SLC24A3: variants seen among roughly 807,000 people sequenced by gnomAD.
The protein encoded by SLC24A3 is solute carrier family 24 member 3, also known as sodium/potassium/calcium exchanger 3.
A neutral mutation model predicts 75.8 loss-of-function variants in SLC24A3; 28 were observed. The observed-to-expected ratio is 0.37, with a 90% CI of 0.27 to 0.51. SLC24A3 has a LOEUF of 0.51. SLC24A3 is among the 20% of genes least tolerant of loss of function. SLC24A3 has a pLI of 0.94. For synonymous variants in SLC24A3, 372 were observed against 334.1 expected (o/e 1.11, Z -1.24); for missense variants, 663 against 847.8 (o/e 0.78, Z 2.71).
intron 3 of SLC24A3, among the ~76,000 whole-genome samples, chr20:19,521,017 A>G (rs2030088560): frequency 6.6e-6 from 1 of 152,088 alleles, no homozygotes; most frequent in Non-Finnish European, 1.5e-5. Context: ...GTCACATCTT[A>G]TCCTCCCTCT....
chr20:19,607,918 A>G (rs1168683947), intron 6 of SLC24A3, among the ~76,000 whole-genome samples: 1 of 152,298 alleles, frequency 6.6e-6, no homozygotes, highest in East Asian at 1.9e-4. Context: ...TCCCCTGTCC[A>G]TATCTACAGC....
At chr20:19,410,345 T>C (rs143062467) in intron 2 of SLC24A3, among the ~76,000 whole-genome samples, 1 of 152,032 alleles carries the variant, frequency 6.6e-6, no homozygotes, top group East Asian at 1.9e-4. Flanking sequence ...CTCCAAAAGA[T>C]AGAAGAGAAA....
intron 2 of SLC24A3, among the ~76,000 whole-genome samples, chr20:19,384,526 A>G (rs1235963301): frequency 1.3e-5 from 2 of 152,228 alleles, no homozygotes; most frequent in South Asian, 4.1e-4. Flanking sequence ...TTTAAGGCTG[A>G]ATAGTATTCC....
At chr20:19,664,098 G>C (rs910627289) in intron 7 of SLC24A3, among the ~76,000 whole-genome samples, 1 of 152,110 alleles carries the variant, frequency 6.6e-6, no homozygotes, top group African/African-American at 2.4e-5. Flanking sequence ...AATATCTTCT[G>C]TTCTCTTAAG....
intron 2 of SLC24A3, among the ~76,000 whole-genome samples, chr20:19,409,402 A>G (rs943520455): frequency 5.3e-5 from 8 of 152,224 alleles, no homozygotes; most frequent in Non-Finnish European, 1.2e-4. Flanking sequence ...GGTGAAGACC[A>G]GGGTGTGCAG....
intron 6 of SLC24A3, among the ~76,000 whole-genome samples, chr20:19,636,993 T>G (rs144154034): frequency 6.6e-5 from 10 of 151,930 alleles, no homozygotes; most frequent in African/African-American, 2.2e-4. Context: ...GCAGTAGGAG[T>G]AAGCAGTAAA....
intron 2 of SLC24A3, among the ~76,000 whole-genome samples, chr20:19,352,528 T>A (rs1985594074): frequency 6.6e-6 from 1 of 152,154 alleles, no homozygotes; most frequent in Non-Finnish European, 1.5e-5. Context: ...TTAAACACGT[T>A]ATTATTTTTC....
Position 19,274,589 on chromosome 20 carries a change from A to G in SLC24A3, c.143-6370A>G, listed in dbSNP as rs375530138. ...TGGTGCTCCTTTCCAAGGACCTTGA[A>G]CAAAAGCACAGGGAAGCTCTTGCTT... On this transcript the variant is annotated intron_variant, in intron 1 of 16. Transcript: ENST00000328041. 2.0e-3 allele frequency among the ~76,000 whole-genome samples: 305 copies of G among 152,154 alleles called. 9 individuals carry two copies. In the South Asian group the frequency reaches 0.059, roughly 30 times the overall value.
intron 6 of SLC24A3, among the ~76,000 whole-genome samples, chr20:19,617,933 A>T (rs2031756803): frequency 6.6e-6 from 1 of 152,170 alleles, no homozygotes; most frequent in African/African-American, 2.4e-5. Flanking sequence ...TGGGGAGCTT[A>T]AAAACTCCTC....
At chr20:19,269,351 G>A (rs1199944845) in intron 1 of SLC24A3, among the ~76,000 whole-genome samples, 1 of 152,116 alleles carries the variant, frequency 6.6e-6, no homozygotes, top group Non-Finnish European at 1.5e-5. Flanking sequence ...GCTCAGAAGG[G>A]GATAGGTAAC....
chr20:19,657,757 C>T (rs2032281669), intron 7 of SLC24A3, among the ~76,000 whole-genome samples: 2 of 151,176 alleles, frequency 1.3e-5, no homozygotes, highest in African/African-American at 4.8e-5. Context: ...ATTCCATGCC[C>T]CCAGCCAGAG....
chr20:19,319,955 G>A (rs1023870423), intron 2 of SLC24A3, among the ~76,000 whole-genome samples: 15 of 152,232 alleles, frequency 9.9e-5, no homozygotes, highest in African/African-American at 3.6e-4. Flanking sequence ...GGAGGTCGCA[G>A]AGCTTCCTCC....
Position 19,356,683 on chromosome 20 carries a change from A to G in SLC24A3, c.271+75596A>G, listed in dbSNP as rs559838042. On this transcript the variant is annotated intron_variant, in intron 2 of 16. Transcript: ENST00000328041. Reference sequence around the variant, plus strand: ...GTCTCCTGGTGGGATGAATTTGTCTATCAGTGGAATGGCTGGGGAATAAGG... The same window carrying G: ...GTCTCCTGGTGGGATGAATTTGTCTGTCAGTGGAATGGCTGGGGAATAAGG... Among the ~76,000 whole-genome samples, 16 of 152,236 alleles carry G rather than the reference A, an allele frequency of 1.1e-4. No homozygotes were observed. The South Asian group carries it at 1.9e-3, about 18-fold the overall frequency.
At chr20:19,393,672 A>G (rs879811173) in intron 2 of SLC24A3, among the ~76,000 whole-genome samples, 6 of 152,206 alleles carry the variant, frequency 3.9e-5, no homozygotes, top group Admixed American at 2.0e-4. Flanking sequence ...AGATTTGTCC[A>G]TTCAAAACTA....
At chr20:19,644,236 C>G (rs911741305) in intron 6 of SLC24A3, among the ~76,000 whole-genome samples, 1 of 152,160 alleles carries the variant, frequency 6.6e-6, no homozygotes, top group African/African-American at 2.4e-5. Context: ...ACGGGGAGGG[C>G]CGTGGACCTC....
At chr20:19,448,127 G>A (rs1600233403) in intron 2 of SLC24A3, among the ~76,000 whole-genome samples, 1 of 152,220 alleles carries the variant, frequency 6.6e-6, no homozygotes, top group Non-Finnish European at 1.5e-5. Context: ...CAAAATGCCG[G>A]ATCCAAGGTT....
chr20:19,438,465 A>C (rs570168982), intron 2 of SLC24A3, among the ~76,000 whole-genome samples: 49 of 152,118 alleles, frequency 3.2e-4, no homozygotes, highest in Non-Finnish European at 5.0e-4. Context: ...ACATCCCTAC[A>C]TGGTAGGTAG....
At chr20:19,570,177 C>T (rs1347564323) in intron 3 of SLC24A3, among the ~76,000 whole-genome samples, 1 of 151,536 alleles carries the variant, frequency 6.6e-6, no homozygotes, top group African/African-American at 2.4e-5. Flanking sequence ...GAAGCAGGCA[C>T]ATCTTCACAT....
chr20:19,549,681 G>A (rs779198648), intron 3 of SLC24A3, among the ~76,000 whole-genome samples: 5 of 152,274 alleles, frequency 3.3e-5, no homozygotes, highest in Admixed American at 6.5e-5. Context: ...CTACTCAGGA[G>A]GCTGAGGCAC....
Sources: allele counts gnomAD v4.1 joint callset (sites outside exome capture counted in the v4.1 genomes callset), GRCh38; gene constraint gnomAD v4.1.1; transcripts MANE v1.5; gene names NCBI Gene and HGNC (gene_info 2026-07-23, HGNC 2026-07-21).